Variants in C8orf34 observed in about 807,000 individuals in gnomAD.
The protein encoded by C8orf34 is uncharacterized protein C8orf34.
In C8orf34, 65 loss-of-function variants were observed where a neutral mutation model predicts 68.3. The ratio of observed to expected loss-of-function variants is 0.95; its 90% confidence interval spans 0.78 to 1.17. C8orf34 has a LOEUF of 1.17. C8orf34 is among the 50% of genes most tolerant of loss of function. The pLI is 0.00. For synonymous variants in C8orf34, 244 were observed against 241.2 expected, an observed-to-expected ratio of 1.01 and a Z score of -0.11; for missense variants, 664 against 655.4, an observed-to-expected ratio of 1.01 and a Z score of -0.14.
intron 1 of C8orf34, among the ~76,000 whole-genome samples, chr8:68,348,031 T>G (rs1315977115): frequency 6.6e-6 from 1 of 152,158 alleles, no homozygotes; most frequent in Non-Finnish European, 1.5e-5. Context: ...TATGAAATCT[T>G]TGCCCATTCC....
chr8:68,774,838 G>A (rs1823460570), intron 10 of C8orf34, among the ~76,000 whole-genome samples: 1 of 151,184 alleles, frequency 6.6e-6, no homozygotes, highest in South Asian at 2.1e-4. Context: ...CGGGTGTGGT[G>A]GCTCACGCCC....
intron 1 of C8orf34, among the ~76,000 whole-genome samples, chr8:68,394,011 T>C (rs776299037): frequency 1.6e-4 from 25 of 151,996 alleles, no homozygotes; most frequent in Non-Finnish European, 3.2e-4. Context: ...AGCAATCAAA[T>C]ACCTTTGGGG....
intron 1 of C8orf34, among the ~76,000 whole-genome samples, chr8:68,376,455 G>GT (rs1044288277): frequency 3.2e-4 from 49 of 152,262 alleles, no homozygotes; most frequent in African/African-American, 9.6e-4. Flanking sequence ...AATAAGATTA[G>GT]TGTTCCTTGA....
chr8:68,801,003 C>A (rs914797758), intron 12 of C8orf34, among the ~76,000 whole-genome samples: 5 of 152,136 alleles, frequency 3.3e-5, no homozygotes, highest in African/African-American at 7.2e-5. Context: ...TACATATTTT[C>A]TCTTCTAATT....
chr8:68,476,271 A>G (rs1213450380), intron 4 of C8orf34, among the ~76,000 whole-genome samples: 1 of 152,200 alleles, frequency 6.6e-6, no homozygotes, highest in Admixed American at 6.5e-5. Flanking sequence ...AGTCTTGTAC[A>G]AAGTACTTTA....
chr8:68,535,409 G>A, intron 7 of C8orf34: 3 of 983,964 alleles, frequency 3.0e-6, no homozygotes, highest in Non-Finnish European at 3.6e-6. Flanking sequence ...TGCATGGAAA[G>A]CACTCTGTAA....
chr8:68,458,287 T>C (rs1428023619), intron 3 of C8orf34, among the ~76,000 whole-genome samples: 1 of 152,168 alleles, frequency 6.6e-6, no homozygotes, highest in African/African-American at 2.4e-5. Context: ...CAATTTGTGG[T>C]TTCTCATGAT....
chr8:68,556,297 T>G (rs979525291), intron 7 of C8orf34, among the ~76,000 whole-genome samples: 2 of 118,510 alleles, frequency 1.7e-5, no homozygotes, highest in African/African-American at 8.3e-5. Context: ...AGGGAATCTT[T>G]TTTTTTTTTT....
At chr8:68,571,344 A>G (rs1816753881) in intron 7 of C8orf34, among the ~76,000 whole-genome samples, 1 of 152,178 alleles carries the variant, frequency 6.6e-6, no homozygotes, top group African/African-American at 2.4e-5. Flanking sequence ...CCAGAAGGAA[A>G]TTACCCATTG....
intron 13 of C8orf34, among the ~76,000 whole-genome samples, chr8:68,817,426 C>T (rs925353962): frequency 6.6e-6 from 1 of 152,110 alleles, no homozygotes; most frequent in Non-Finnish European, 1.5e-5. Context: ...ACCAGACTCT[C>T]CCTCTCTTTC....
rs1220353935 is a variant in C8orf34 at position 68,593,726 on chromosome 8, AAGTACCTTTT to A, written c.1106-46646_1106-46637del. Among the ~76,000 whole-genome samples, 4 of 152,110 alleles carry A rather than the reference AAGTACCTTTT, an allele frequency of 2.6e-5. No homozygotes were observed. The East Asian group carries it at 7.7e-4, about 29-fold the overall frequency. ...TAGCTATCTATTAATCTTTTCAAAA[AAGTACCTTTT>A]AGTTTTATTAATCATTTCTTTTTTA... On this transcript the variant is annotated intron_variant, in intron 7 of 13. Transcript: ENST00000518698.
At chr8:68,739,260 C>G (rs1173100358) in intron 10 of C8orf34, among the ~76,000 whole-genome samples, 1 of 152,042 alleles carries the variant, frequency 6.6e-6, no homozygotes, top group African/African-American at 2.4e-5. Flanking sequence ...GTTAAAAACT[C>G]TCAATAACCT....
intron 12 of C8orf34, among the ~76,000 whole-genome samples, chr8:68,795,256 C>T (rs1824143793): frequency 6.6e-6 from 1 of 151,086 alleles, no homozygotes; most frequent in African/African-American, 2.4e-5. Flanking sequence ...TTATAGTAGC[C>T]CCGATTAAAA....
chr8:68,406,781 C>T (rs1483715409), intron 1 of C8orf34, among the ~76,000 whole-genome samples: 1 of 152,178 alleles, frequency 6.6e-6, no homozygotes, highest in African/African-American at 2.4e-5. Flanking sequence ...AGGCATGAGC[C>T]ACCACGTCCG....
intron 7 of C8orf34, among the ~76,000 whole-genome samples, chr8:68,603,288 A>G (rs1301507926): frequency 6.6e-6 from 1 of 152,078 alleles, no homozygotes; most frequent in Admixed American, 6.6e-5. Flanking sequence ...ATAAAGTTAA[A>G]TATATACTTA....
intron 5 of C8orf34, among the ~76,000 whole-genome samples, chr8:68,501,923 G>A (rs1813791491): frequency 6.6e-6 from 1 of 152,008 alleles, no homozygotes; most frequent in Non-Finnish European, 1.5e-5. Flanking sequence ...TTGTTGTCAT[G>A]TTGCTTTCTT....
intron 1 of C8orf34, among the ~76,000 whole-genome samples, chr8:68,396,348 C>A (rs1267639343): frequency 6.6e-6 from 1 of 151,822 alleles, no homozygotes; most frequent in Non-Finnish European, 1.5e-5. Context: ...AATTATAAAG[C>A]CCATCTTGTA....
At chr8:68,688,352 C>A (rs772929349) in intron 8 of C8orf34, among the ~76,000 whole-genome samples, 4 of 151,956 alleles carry the variant, frequency 2.6e-5, no homozygotes, top group African/African-American at 9.7e-5. Context: ...TGGAACCAAC[C>A]TAAAAGCCCA....
Position 68,739,496 on chromosome 8 carries a change from C to CA in C8orf34, c.1404+18068dup, listed in dbSNP as rs112383698. Among the ~76,000 whole-genome samples, 1,437 of 149,486 alleles carry CA rather than the reference C, an allele frequency of 9.6e-3. 23 individuals are homozygous for CA. The highest frequency in any genetic ancestry group is 0.032 in the African/African-American group (1,300 of 40,782). ...AACAAAATCCCATTCACAGTTGCCA[C>CA]AAAAAAAAATAAAATACCTAAGAAT... On this transcript the variant is annotated intron_variant, in intron 10 of 13. Coordinates refer to ENST00000518698, the MANE Select transcript of C8orf34 (RefSeq NM_052958.4).
Sources: allele counts gnomAD v4.1 joint callset (sites outside exome capture counted in the v4.1 genomes callset), GRCh38; gene constraint gnomAD v4.1.1; transcripts MANE v1.5; gene names NCBI Gene and HGNC (gene_info 2026-07-23, HGNC 2026-07-21).